The following ZNF843 variants were observed in gnomAD, a reference collection of about 807,000 sequenced individuals.
The protein encoded by ZNF843 is zinc finger protein 843.
For missense variants in ZNF843, 482 were observed against 469.4 expected, an observed-to-expected ratio of 1.03 and a Z score of -0.25; for synonymous variants, 185 against 207.7, an observed-to-expected ratio of 0.89 and a Z score of 0.94.
In ZNF843 at chr16:31,436,335, GTCT is replaced by G. The variant is rs1424238051; in HGVS notation, c.512_514del (p.Lys171del). On this transcript the variant is annotated inframe_deletion, in exon 2 of 2. Coordinates refer to ENST00000315678, the MANE Select transcript of ZNF843 (RefSeq NM_001136509.3). ...GCTCTCCACGCTCCCACCCCTGCAG[GTCT>G]TCTCCCCTGGGTGCGGAAGGACGCG... The G allele has an allele frequency of 4.5e-6, 7 of 1,546,754 alleles. No homozygotes were observed. The South Asian group carries it at 4.8e-5, about 11-fold the overall frequency.
intron 1 of ZNF843, among the ~76,000 whole-genome samples, chr16:31,442,029 G>A (rs1045526146): frequency 6.6e-6 from 1 of 152,240 alleles, no homozygotes; most frequent in Admixed American, 6.5e-5. Flanking sequence ...GGACGGGGGA[G>A]GCGGCTGAGA....
rs1276252517 is a variant in ZNF843 at position 31,435,821 on chromosome 16, G to A, written c.1029C>T (p.Ser343=). The stretch of plus-strand genomic sequence containing the variant: ...TGGTTCTTCAGTGTCGGGCCAGGTT[G>A]GACCTCCGGCTGGAGGCCTTCCACA... The part of the protein sequence containing the change: ...FPVWKASSRR[S]NLARH Residue 343 remains serine (S), a synonymous_variant, in exon 2 of 2, where the codon TCC becomes TCT. Coordinates refer to ENST00000315678, the MANE Select transcript of ZNF843 (RefSeq NM_001136509.3). 1 of 1,460,438 alleles carries A rather than the reference G, an allele frequency of 6.8e-7. No individual in the cohort carries two copies. The highest frequency in any genetic ancestry group is 1.4e-5 in the African/African-American group (1 of 70,226). The allele number at this position is 1,460,438 out of a possible 1,614,324, so 90.5% of individuals were successfully genotyped here.
rs113002078 is a variant in ZNF843 at position 31,435,937 on chromosome 16, C to A, written c.913G>T (p.Gly305Cys). The A allele has an allele frequency of 5.8e-6, 9 of 1,542,834 alleles. No homozygotes were observed. The Admixed American group carries it at 1.6e-4, about 27-fold the overall frequency. The change falls in exon 2 of 2, where the codon GGC becomes TGC. Residue 305 changes from glycine to cysteine, a missense_variant. Coordinates refer to ENST00000315678, the MANE Select transcript of ZNF843 (RefSeq NM_001136509.3). ...ASQHRAAGPLGEARARLQRQC... is the reference protein window; with the variant it reads ...ASQHRAAGPLCEARARLQRQC... Reference sequence around the variant, plus strand: ...CGCTGAAGCCTGGCCCTGGCCTCGCCGAGCGGTCCGGCCGCTCTGTGCTGC... The same window carrying A: ...CGCTGAAGCCTGGCCCTGGCCTCGCAGAGCGGTCCGGCCGCTCTGTGCTGC...
At chr16:31,439,039 A>G (rs2082192805) in intron 1 of ZNF843, among the ~76,000 whole-genome samples, 1 of 151,820 alleles carries the variant, frequency 6.6e-6, no homozygotes, top group African/African-American at 2.4e-5. Flanking sequence ...ATTAGCAGAT[A>G]TACCTAATGT....
intron 1 of ZNF843, among the ~76,000 whole-genome samples, chr16:31,440,157 TAAGTA>T (rs768993466): frequency 2.0e-5 from 3 of 152,192 alleles, no homozygotes; most frequent in Non-Finnish European, 2.9e-5. Flanking sequence ...ATAGAAAGTT[TAAGTA>T]ATTTAGAAAA....
rs1429106995 is a variant in ZNF843, at chr16:31,435,622, AAGG to A, written c.*178_*180del. On this transcript the variant is annotated 3_prime_UTR_variant, in exon 2 of 2. Coordinates refer to ENST00000315678, the MANE Select transcript of ZNF843 (RefSeq NM_001136509.3). ...CCTAAATCCCTTAATGTATAAGGGA[AAGG>A]AGCGAGAATTCAGGGGAAAAAAAAC... 3 of 571,952 alleles carry A rather than the reference AAGG, an allele frequency of 5.2e-6. No individual in the cohort carries two copies. The African/African-American group carries it at 5.8e-5, about 11-fold the overall frequency. The allele number at this position is 571,952 out of a possible 1,614,324, so 35.4% of individuals were successfully genotyped here.
At position 31,436,755 on chromosome 16, in the gene ZNF843, G is replaced by A. The variant is rs1385467844; in HGVS notation, c.95C>T (p.Pro32Leu). 1.3e-6 allele frequency: 2 copies of A among 1,551,690 alleles called. No homozygotes were observed. Among genetic ancestry groups the A allele is most frequent in the African/African-American group, 2.7e-5 (2 of 73,070 alleles). Residue 32 changes from proline to leucine, a missense_variant, in exon 2 of 2, where the codon CCC becomes CTC. Physicochemically the swap from Pro to Leu is moderately conservative, Grantham distance 98. Transcript: ENST00000315678. Reference protein sequence around the residue: ...STGRFTQGRQPCKCKACGRGF... With the variant: ...STGRFTQGRQLCKCKACGRGF... ...CCTCCCGCAGGCCTTGCACTTGCAG[G>A]GCTGACGGCCCTGGGTGAATCTGCC...
rs2082182537 is a variant in ZNF843 at position 31,436,560 on chromosome 16, C to G, written c.290G>C (p.Gly97Ala). 6.5e-7 allele frequency: 1 copy of G among 1,550,296 alleles called. No homozygotes were observed. Among genetic ancestry groups the G allele is most frequent in the African/African-American group, 1.4e-5 (1 of 73,040 alleles). Residue 97 changes from glycine (G) to alanine (A), a missense_variant, in exon 2 of 2, where the codon GGG becomes GCG. Gly to Ala is a moderately conservative substitution (Grantham distance 60). Transcript: ENST00000315678. ...CCAGCAGCAGAGCTGGCCGCTAAAC[C>G]CTTGCCGCACTCCCGCAGACGAATG... Reference protein sequence around the residue: ...RSHSSAGVRQGFSGQLCCWLT... With the variant: ...RSHSSAGVRQAFSGQLCCWLT...
intron 1 of ZNF843, among the ~76,000 whole-genome samples, 192 bp downstream of exon 1, chr16:31,442,444 C>T (rs1262732465): frequency 6.6e-6 from 1 of 152,220 alleles, no homozygotes; most frequent in Non-Finnish European, 1.5e-5. Context: ...CCTCAGCCTC[C>T]CGAGTAGCTG....
At chr16:31,437,410 C>G (rs1050461881) in intron 1 of ZNF843, among the ~76,000 whole-genome samples, 1 of 147,358 alleles carries the variant, frequency 6.8e-6, no homozygotes, top group Admixed American at 6.9e-5. Context: ...CTCAAGTGAT[C>G]CTCCCGCTTC....
Position 31,436,678 on chromosome 16 carries a change from A to G in ZNF843, c.172T>C (p.Trp58Arg), listed in dbSNP as rs778970739. ...GGGGACAGCGACAAGGTCTCTCGCCAGTCGCTGTGGACCCGCCAGTGCTGG... is the reference window on the plus strand; with the variant it reads ...GGGGACAGCGACAAGGTCTCTCGCCGGTCGCTGTGGACCCGCCAGTGCTGG... ...LLQHWRVHSD[W>R]RETLSLSPVR... Residue 58 changes from tryptophan (W) to arginine (R), a missense_variant, in exon 2 of 2, where the codon TGG becomes CGG. By Grantham distance (101) the Trp-to-Arg change is moderately radical. Coordinates refer to ENST00000315678, the MANE Select transcript of ZNF843 (RefSeq NM_001136509.3). The G allele has an allele frequency of 3.2e-6, 5 of 1,551,258 alleles. No homozygotes were observed. In the African/African-American group the frequency reaches 4.1e-5, roughly 13 times the overall value.
chr16:31,436,018 C>A lies in ZNF843; in HGVS notation c.832G>T (p.Asp278Tyr). 1 of 1,527,578 alleles carries A rather than the reference C, an allele frequency of 6.5e-7. No homozygotes were observed. The highest frequency in any genetic ancestry group is 1.2e-5 in the South Asian group (1 of 80,128). The allele number at this position is 1,527,578 out of a possible 1,614,324, so 94.6% of individuals were successfully genotyped here. A position where few individuals can be genotyped will look rare whatever the true frequency, so the allele number is the denominator to read the frequency against. The part of the protein sequence containing the change: ...GPRSCASAGR[D>Y]SREAVQAPGY... ...GGGGCCTGAACCGCCTCCCGCGAGT[C>A]CCGTCCCGCGCTCGCACAGCTTCTG... Residue 278 changes from aspartate (D) to tyrosine (Y), a missense_variant, in exon 2 of 2, where the codon GAC becomes TAC. By Grantham distance (160) the Asp-to-Tyr change is radical (BLOSUM62 -3). Coordinates refer to ENST00000315678, the MANE Select transcript of ZNF843 (RefSeq NM_001136509.3).
In ZNF843 at chr16:31,436,026, G is replaced by T; in HGVS notation, c.824C>A (p.Ala275Glu). ...GAMGPRSCAS[A>E]GRDSREAVQA... ...AACCGCCTCCCGCGAGTCCCGTCCCGCGCTCGCACAGCTTCTGGGCCCCAT... is the reference window on the plus strand; with the variant it reads ...AACCGCCTCCCGCGAGTCCCGTCCCTCGCTCGCACAGCTTCTGGGCCCCAT... The change falls in exon 2 of 2, where the codon GCG becomes GAG. Residue 275 changes from alanine to glutamate, a missense_variant. Coordinates refer to ENST00000315678, the MANE Select transcript of ZNF843 (RefSeq NM_001136509.3). 1 of 1,531,302 alleles carries T rather than the reference G, an allele frequency of 6.5e-7. No individual in the cohort carries two copies. The highest frequency in any genetic ancestry group is 8.8e-7 in the Non-Finnish European group (1 of 1,137,290). 94.9% of individuals were successfully genotyped at this position (1,531,302 alleles called of 1,614,324 possible).
Position 31,437,052 on chromosome 16 carries a change from T to C in ZNF843, c.-203A>G, listed in dbSNP as rs1014973326. 3.1e-5 allele frequency: 18 copies of C among 574,314 alleles called. No homozygotes were observed. In the African/African-American group the frequency reaches 3.4e-4, roughly 11 times the overall value. 35.6% of individuals were successfully genotyped at this position (574,314 alleles called of 1,614,324 possible). A position where few individuals can be genotyped will look rare whatever the true frequency, so the allele number is the denominator to read the frequency against. On this transcript the variant is annotated 5_prime_UTR_variant, in exon 2 of 2. Transcript: ENST00000315678. ...CGCTGGGCAATGTCATCTGAAGGTG[T>C]TTCTTGAGGCTCTCGGGCATGTCCC...
Position 31,435,964 on chromosome 16 carries a change from A to C in ZNF843, c.886T>G (p.Ser296Ala). 1.3e-6 allele frequency: 2 copies of C among 1,531,396 alleles called. No homozygotes were observed. Among genetic ancestry groups the C allele is most frequent in the Non-Finnish European group, 1.8e-6 (2 of 1,136,574 alleles). 94.9% of individuals were successfully genotyped at this position (1,531,396 alleles called of 1,614,324 possible). A position where few individuals can be genotyped will look rare whatever the true frequency, so the allele number is the denominator to read the frequency against. Residue 296 changes from serine to alanine, a missense_variant, in exon 2 of 2, where the codon TCG becomes GCG. Physicochemically the swap from Ser to Ala is moderately conservative, Grantham distance 99. Coordinates refer to ENST00000315678, the MANE Select transcript of ZNF843 (RefSeq NM_001136509.3). ...AGCGGTCCGGCCGCTCTGTGCTGCGAGGCCTTCCGGGCTGGCTCAGGGTAG... is the reference window on the plus strand; with the variant it reads ...AGCGGTCCGGCCGCTCTGTGCTGCGCGGCCTTCCGGGCTGGCTCAGGGTAG... ...PGYPEPARKA[S>A]QHRAAGPLGE...
intron 1 of ZNF843, among the ~76,000 whole-genome samples, chr16:31,438,481 G>C (rs1822374581): frequency 6.6e-6 from 1 of 152,156 alleles, no homozygotes; most frequent in African/African-American, 2.4e-5. Context: ...AGGCCTGTCA[G>C]TCTGGATTTT....
chr16:31,438,701 A>T (rs1017570325), intron 1 of ZNF843, among the ~76,000 whole-genome samples: 1 of 152,026 alleles, frequency 6.6e-6, no homozygotes, highest in African/African-American at 2.4e-5. Context: ...ACATCCTGCC[A>T]TCACTTCAAA....
chr16:31,440,486 A>G lies in ZNF843; in HGVS notation c.-336+2150T>C, dbSNP rs555774268. Among the ~76,000 whole-genome samples, 9 of 152,336 alleles carry G rather than the reference A, an allele frequency of 5.9e-5. No homozygotes were observed. The East Asian group carries it at 1.2e-3, about 20-fold the overall frequency. ...TTATGAACATTTCTCATTCATTCACATTCTTTCATAATGATCTATTTTAAT... is the reference window on the plus strand; with the variant it reads ...TTATGAACATTTCTCATTCATTCACGTTCTTTCATAATGATCTATTTTAAT... On this transcript the variant is annotated intron_variant, in intron 1 of 1. Transcript: ENST00000315678.
rs76281122 is a variant in ZNF843, at chr16:31,436,178, G to C, written c.672C>G (p.Gly224=). ...LLPRPPFLYP[G]PPLSLQPLVP... ...CCAGAGGCTGGAGACTGAGTGGGGG[G>C]CCAGGATAAAGGAAGGGAGGTCGGG... The change falls in exon 2 of 2, where the codon GGC becomes GGG. Residue 224 remains glycine (G), a synonymous_variant. Transcript: ENST00000315678. 6.9e-3 allele frequency: 10,680 copies of C among 1,538,918 alleles called. 82 individuals carry two copies. The highest frequency in any genetic ancestry group is 0.023 in the South Asian group (1,852 of 82,202).
Sources: gnomAD v4.1 joint callset for allele counts (sites outside exome capture counted in the v4.1 genomes callset) on GRCh38, gnomAD v4.1.1 for gene constraint, MANE v1.5 for transcripts, NCBI Gene and HGNC (gene_info 2026-07-23, HGNC 2026-07-21) for gene names.